Variants in AUTS2 observed in about 807,000 individuals in gnomAD.
The protein encoded by AUTS2 is activator of transcription and developmental regulator AUTS2.
AUTS2 carries 17 observed loss-of-function variants against 112.4 expected under a neutral mutation model. The observed-to-expected ratio is 0.15, with a 90% CI of 0.10 to 0.23. AUTS2 has a LOEUF of 0.23. AUTS2 is among the 10% of genes least tolerant of loss of function. The pLI is 1.00. For missense variants in AUTS2, 1,510 were observed against 1,701.6 expected, an observed-to-expected ratio of 0.89 and a Z score of 1.98; for synonymous variants, 751 against 702.7, an observed-to-expected ratio of 1.07 and a Z score of -1.09.
chr7:70,111,893 G>C (rs1805105814), intron 2 of AUTS2, among the ~76,000 whole-genome samples: 1 of 151,980 alleles, frequency 6.6e-6, no homozygotes, highest in Non-Finnish European at 1.5e-5. Context: ...AAATGTGTTA[G>C]AGGTGTATCT....
intron 5 of AUTS2, among the ~76,000 whole-genome samples, chr7:70,463,462 C>T (rs937364123): frequency 6.6e-6 from 1 of 152,174 alleles, no homozygotes; most frequent in Non-Finnish European, 1.5e-5. Flanking sequence ...TGGACTTTGT[C>T]CAGCTTATAT....
intron 2 of AUTS2, among the ~76,000 whole-genome samples, chr7:70,015,352 T>C (rs1177319293): frequency 6.6e-6 from 1 of 152,182 alleles, no homozygotes; most frequent in Non-Finnish European, 1.5e-5. Context: ...ATACATACTA[T>C]CATTAGCACC....
chr7:70,697,567 C>CCG (rs886979029), intron 5 of AUTS2, among the ~76,000 whole-genome samples: 1 of 142,560 alleles, frequency 7.0e-6, no homozygotes, highest in African/African-American at 2.5e-5. Context: ...AATTCCCCCC[C>CCG]CCCATTTCCT....
In AUTS2 at chr7:70,025,482, C is replaced by T. The variant is rs188038570; in HGVS notation, c.523-92650C>T. Among the ~76,000 whole-genome samples, 19 of 147,034 alleles carry T rather than the reference C, an allele frequency of 1.3e-4. No individual in the cohort carries two copies. The East Asian group carries it at 2.8e-3, about 22-fold the overall frequency. ...TTTTTTTTTTTTAAAGACAAGGTCT[C>T]GCTCTGTCACCAAGGCTGGAACGCA... is the stretch of plus-strand genomic sequence containing the variant. On this transcript the variant is annotated intron_variant, in intron 2 of 18. Coordinates refer to ENST00000342771, the MANE Select transcript of AUTS2 (RefSeq NM_015570.4).
rs564284736 is a variant in AUTS2 at position 70,622,279 on chromosome 7, T to C, written c.691-76290T>C. ...TTCTCTTAAAAATGCATCTTTGACT[T>C]ATATTCTCTCCTGCCTGAGGGGCCT... On this transcript the variant is annotated intron_variant, in intron 5 of 18. Coordinates refer to ENST00000342771, the MANE Select transcript of AUTS2 (RefSeq NM_015570.4). Among the ~76,000 whole-genome samples, 374 of 152,312 alleles carry C rather than the reference T, an allele frequency of 2.5e-3. 2 individuals carry two copies. The highest frequency in any genetic ancestry group is 7.9e-3 in the African/African-American group (329 of 41,578).
intron 1 of AUTS2, among the ~76,000 whole-genome samples, chr7:69,858,394 T>C (rs988391081): frequency 1.3e-5 from 2 of 152,144 alleles, no homozygotes; most frequent in African/African-American, 4.8e-5. Flanking sequence ...GCAAGCTAAA[T>C]AGGTGCTAAA....
intron 4 of AUTS2, among the ~76,000 whole-genome samples, chr7:70,384,048 A>G (rs985100632): frequency 6.6e-5 from 10 of 152,274 alleles, no homozygotes; most frequent in Non-Finnish European, 1.5e-4. Flanking sequence ...AAAGAAAGAA[A>G]GAAAAACCAT....
chr7:70,523,322 T>C (rs562003184), intron 5 of AUTS2, among the ~76,000 whole-genome samples: 2 of 152,334 alleles, frequency 1.3e-5, no homozygotes, highest in East Asian at 3.9e-4. Flanking sequence ...AATAATCTTT[T>C]GTAAATATTG....
chr7:70,552,274 T>C (rs1801046358), intron 5 of AUTS2, among the ~76,000 whole-genome samples: 2 of 152,210 alleles, frequency 1.3e-5, no homozygotes, highest in South Asian at 2.1e-4. Flanking sequence ...ATTATTAAGC[T>C]TTTTTCCCTC....
chr7:69,863,375 T>C (rs894083706), intron 1 of AUTS2, among the ~76,000 whole-genome samples: 4 of 152,116 alleles, frequency 2.6e-5, no homozygotes, highest in African/African-American at 9.7e-5. Context: ...ATATGCAAAT[T>C]TTACAAAGGG....
chr7:70,755,307 A>G (rs896895208), intron 6 of AUTS2, among the ~76,000 whole-genome samples: 1 of 152,040 alleles, frequency 6.6e-6, no homozygotes, highest in Non-Finnish European at 1.5e-5. Context: ...TTAAAAATTA[A>G]AACTATGCAC....
chr7:69,637,966 G>A (rs544919736), intron 1 of AUTS2, among the ~76,000 whole-genome samples: 106 of 152,344 alleles, frequency 7.0e-4, no homozygotes, highest in African/African-American at 2.4e-3. Context: ...ACACAGGAGA[G>A]TGAGATTTCA....
intron 5 of AUTS2, among the ~76,000 whole-genome samples, chr7:70,465,697 G>C (rs1302028405): frequency 6.6e-6 from 1 of 152,160 alleles, no homozygotes; most frequent in Non-Finnish European, 1.5e-5. Flanking sequence ...ACTCGTGATT[G>C]GGTGGGTGTC....
chr7:69,962,761 T>C lies in AUTS2; in HGVS notation c.522+63263T>C, dbSNP rs1012490859. Among the ~76,000 whole-genome samples the C allele has an allele frequency of 3.1e-4, 47 of 151,916 alleles. 1 individual carries two copies. The highest frequency in any genetic ancestry group is 2.9e-5 in the Non-Finnish European group (2 of 67,966). ...AGCTCGTGCATAAATGCCTGTGTGC[T>C]TGCTTGGGTAGGGACTAGGAGGGCT... is the stretch of plus-strand genomic sequence containing the variant. On this transcript the variant is annotated intron_variant, in intron 2 of 18. Coordinates refer to ENST00000342771, the MANE Select transcript of AUTS2 (RefSeq NM_015570.4).
At chr7:70,052,243 C>T (rs962084401) in intron 2 of AUTS2, among the ~76,000 whole-genome samples, 1 of 152,046 alleles carries the variant, frequency 6.6e-6, no homozygotes, top group Non-Finnish European at 1.5e-5. Flanking sequence ...GAGTATAATC[C>T]ATTCATGATA....
chr7:69,847,521 A>G (rs17458533), intron 1 of AUTS2, among the ~76,000 whole-genome samples: 12,791 of 152,226 alleles, frequency 0.084, 621 homozygotes, highest in East Asian at 0.13. Flanking sequence ...GCACCAGTAC[A>G]TCTCTGGGAA....
In AUTS2 at chr7:69,947,352, C is replaced by G. The variant is rs922255687; in HGVS notation, c.522+47854C>G. On this transcript the variant is annotated intron_variant, in intron 2 of 18. Transcript: ENST00000342771. ...CATGTTACACATATGGGCATCTTGG[C>G]GAGAAAAGCCACTGATCGTCTCAGT... 2.0e-5 allele frequency among the ~76,000 whole-genome samples: 3 copies of G among 151,978 alleles called. No homozygotes were observed. In the East Asian group the frequency reaches 5.8e-4, roughly 29 times the overall value.
At chr7:69,607,189 C>T (rs1465128561) in intron 1 of AUTS2, among the ~76,000 whole-genome samples, 1 of 152,136 alleles carries the variant, frequency 6.6e-6, no homozygotes, top group African/African-American at 2.4e-5. Context: ...CCATCCATTG[C>T]AAGGGGCTCT....
At chr7:70,681,407 T>C (rs1388514152) in intron 5 of AUTS2, among the ~76,000 whole-genome samples, 3 of 152,092 alleles carry the variant, frequency 2.0e-5, no homozygotes, top group Admixed American at 2.0e-4. Flanking sequence ...ACATGGAGAA[T>C]CAGAGGAGAG....
Sources: allele counts gnomAD v4.1 joint callset (sites outside exome capture counted in the v4.1 genomes callset), GRCh38; gene constraint gnomAD v4.1.1; transcripts MANE v1.5; gene names NCBI Gene and HGNC (gene_info 2026-07-23, HGNC 2026-07-21).